The following CDH12 variants were observed in gnomAD, a reference collection of about 807,000 sequenced individuals.
CDH12 encodes cadherin 12.
A neutral mutation model predicts 74.1 loss-of-function variants in CDH12; 41 were observed. The ratio of observed to expected loss-of-function variants is 0.55; its 90% CI spans 0.43 to 0.72. The LOEUF is 0.72. CDH12 is among the 30% of genes least tolerant of loss of function. CDH12 has a pLI of 0.00. For synonymous variants in CDH12, 399 were observed against 355.0 expected (o/e 1.12, Z -1.39); for missense variants, 945 against 977.2 (o/e 0.97, Z 0.44).
intron 1 of CDH12, among the ~76,000 whole-genome samples, chr5:22,758,368 T>C (rs1031669010): frequency 6.6e-6 from 1 of 152,102 alleles, no homozygotes; most frequent in African/African-American, 2.4e-5. Context: ...AGAAGACCAT[T>C]GACAGCCACT....
chr5:22,539,349 GCACATCAC>G lies in CDH12; in HGVS notation c.-522-33993_-522-33986del, dbSNP rs995125401. 9.8e-5 allele frequency among the ~76,000 whole-genome samples: 15 copies of G among 152,290 alleles called. No homozygotes were observed. In the South Asian group the frequency reaches 1.2e-3, roughly 13 times the overall value. ...CTCCATAAGTCCAGAGGTAATGTCT[GCACATCAC>G]CAAGAAAGGTGTTAAGCACATAGTT... On this transcript the variant is annotated intron_variant, in intron 1 of 14. Coordinates refer to ENST00000382254, the MANE Select transcript of CDH12 (RefSeq NM_004061.5).
At chr5:21,907,123 T>C (rs945186790) in intron 6 of CDH12, among the ~76,000 whole-genome samples, 1 of 152,152 alleles carries the variant, frequency 6.6e-6, no homozygotes, top group African/African-American at 2.4e-5. Flanking sequence ...TCATATAAAC[T>C]CCAGCAACAT....
chr5:22,376,299 G>A (rs1021839877), intron 3 of CDH12, among the ~76,000 whole-genome samples: 2 of 152,020 alleles, frequency 1.3e-5, no homozygotes, highest in Admixed American at 6.6e-5. Context: ...GCTGTGAAGG[G>A]TTTGTGTCTG....
chr5:22,608,053 T>C (rs1469778670), intron 1 of CDH12, among the ~76,000 whole-genome samples: 1 of 152,152 alleles, frequency 6.6e-6, no homozygotes, highest in African/African-American at 2.4e-5. Context: ...AACTGAGGCA[T>C]TGCCTAGTGG....
intron 6 of CDH12, among the ~76,000 whole-genome samples, chr5:21,962,514 G>C (rs1330050751): frequency 6.6e-6 from 1 of 151,964 alleles, no homozygotes; most frequent in Non-Finnish European, 1.5e-5. Flanking sequence ...TTCAATGCCT[G>C]GGTCATTATC....
At chr5:22,478,258 T>C (rs1034377936) in intron 2 of CDH12, among the ~76,000 whole-genome samples, 3 of 151,212 alleles carry the variant, frequency 2.0e-5, no homozygotes, top group Middle Eastern at 3.4e-3. Context: ...CTCTACTAAA[T>C]ATACAAAAAA....
intron 1 of CDH12, among the ~76,000 whole-genome samples, chr5:22,554,181 C>T (rs951594086): frequency 1.3e-5 from 2 of 152,048 alleles, no homozygotes; most frequent in African/African-American, 2.4e-5. Flanking sequence ...ACATGCAACA[C>T]AGAGGATTTT....
chr5:22,477,864 T>C (rs937781055), intron 2 of CDH12, among the ~76,000 whole-genome samples: 1 of 152,224 alleles, frequency 6.6e-6, no homozygotes, highest in African/African-American at 2.4e-5. Flanking sequence ...TAACATCTTA[T>C]GTCACATCCA....
chr5:22,345,497 C>T (rs966733200), intron 3 of CDH12, among the ~76,000 whole-genome samples: 37 of 152,202 alleles, frequency 2.4e-4, no homozygotes, highest in Admixed American at 1.7e-3. Context: ...AACTTATGGT[C>T]AGAACTTGAT....
At position 22,743,260 on chromosome 5, in the gene CDH12, TTA is replaced by T. The variant is rs71609778; in HGVS notation, c.-523+109796_-523+109797del. 9.8e-3 allele frequency among the ~76,000 whole-genome samples: 890 copies of T among 90,372 alleles called. 6 individuals carry two copies. Among genetic ancestry groups the T allele is most frequent in the Middle Eastern group, 0.037 (7 of 188 alleles). The allele number at this position is 90,372 out of a possible 152,430, so 59.3% of individuals were successfully genotyped here. On this transcript the variant is annotated intron_variant, in intron 1 of 14. Transcript: ENST00000382254. ...CTCAGCATCCATAATAGCATGGAGA[TTA>T]TATATATATATATATATATGTATAT...
intron 5 of CDH12, among the ~76,000 whole-genome samples, chr5:21,982,702 G>A (rs1176168332): frequency 6.6e-6 from 1 of 151,434 alleles, no homozygotes; most frequent in Non-Finnish European, 1.5e-5. Context: ...AACACCTACT[G>A]ATAAATAAGC....
At chr5:21,806,487 A>T (rs1456282862) in intron 9 of CDH12, among the ~76,000 whole-genome samples, 1 of 152,128 alleles carries the variant, frequency 6.6e-6, no homozygotes, top group African/African-American at 2.4e-5. Context: ...TTGCCACTAA[A>T]CGTGATTTAC....
intron 1 of CDH12, among the ~76,000 whole-genome samples, chr5:22,565,354 T>A (rs1228037551): frequency 6.6e-6 from 1 of 152,198 alleles, no homozygotes. Flanking sequence ...CTAACTTACA[T>A]TTCCACCAAC....
chr5:21,837,860 C>T (rs151308716), intron 8 of CDH12, among the ~76,000 whole-genome samples: 7 of 152,160 alleles, frequency 4.6e-5, no homozygotes, highest in Admixed American at 3.3e-4. Context: ...ATCCCCCACC[C>T]GTTATAGTTT....
chr5:22,347,715 T>A (rs1052220185), intron 3 of CDH12, among the ~76,000 whole-genome samples: 17 of 152,204 alleles, frequency 1.1e-4, no homozygotes, highest in African/African-American at 4.1e-4. Context: ...AGGCATATGA[T>A]GATTATTATT....
intron 4 of CDH12, among the ~76,000 whole-genome samples, chr5:22,135,374 A>C (rs546111498): frequency 6.6e-6 from 1 of 152,102 alleles, no homozygotes; most frequent in African/African-American, 2.4e-5. Context: ...CAGACTACAT[A>C]AGATAAAAGC....
At chr5:22,397,869 T>G (rs539251289) in intron 3 of CDH12, among the ~76,000 whole-genome samples, 1 of 152,182 alleles carries the variant, frequency 6.6e-6, no homozygotes, top group Non-Finnish European at 1.5e-5. Context: ...TTAGGACATA[T>G]GCAGGGGGAA....
chr5:22,653,102 T>G (rs1334904938), intron 1 of CDH12, among the ~76,000 whole-genome samples: 2 of 152,178 alleles, frequency 1.3e-5, no homozygotes, highest in Non-Finnish European at 2.9e-5. Flanking sequence ...TATAGCCCAT[T>G]TATTAATATA....
chr5:22,015,392 A>T (rs368467980), intron 5 of CDH12, among the ~76,000 whole-genome samples: 1 of 152,160 alleles, frequency 6.6e-6, no homozygotes, highest in Non-Finnish European at 1.5e-5. Context: ...TCCCTTTTAA[A>T]ATTAGTGCTA....
Sources: gnomAD v4.1 joint callset for allele counts (sites outside exome capture counted in the v4.1 genomes callset) on GRCh38, gnomAD v4.1.1 for gene constraint, MANE v1.5 for transcripts, NCBI Gene and HGNC (gene_info 2026-07-23, HGNC 2026-07-21) for gene names.